NINL: variants seen among roughly 807,000 people sequenced by gnomAD.
The protein encoded by NINL is ninein-like protein.
Under a neutral mutation model 160.3 loss-of-function variants are expected in NINL, and 153 were observed. The ratio of observed to expected loss-of-function variants is 0.95; its 90% CI spans 0.84 to 1.09. The LOEUF is 1.09. Among genes scored for constraint, NINL ranks in the 50% least tolerant of loss-of-function variants. The probability of loss-of-function intolerance (pLI) is 0.00; values close to 1 mark genes in which losing one functional copy is unlikely to be tolerated. For synonymous variants in NINL, 800 were observed against 734.8 expected, an observed-to-expected ratio of 1.09 and a Z score of -1.43; for missense variants, 1,829 against 1,764.0, an observed-to-expected ratio of 1.04 and a Z score of -0.66.
chr20:25,543,042 A>AAG (rs1295023660), intron 1 of NINL, among the ~76,000 whole-genome samples: 4 of 147,602 alleles, frequency 2.7e-5, no homozygotes, highest in Admixed American at 6.7e-5. Context: ...TCCGTCTTCA[A>AAG]AAAAAAAAAA....
chr20:25,487,486 T>A (rs539628801), intron 13 of NINL, among the ~76,000 whole-genome samples: 4 of 152,204 alleles, frequency 2.6e-5, no homozygotes, highest in Non-Finnish European at 4.4e-5. Context: ...CAGCCGTTCC[T>A]GATGCTGACA....
rs138816596 is a variant in NINL at position 25,513,020 on chromosome 20, A to G, written c.278-14T>C. ...CACTGGAGGCAGCTGGAAAGGAAACAGGAAATTTGGTGGGGGTCCTTTATA... is the reference window on the plus strand; with the variant it reads ...CACTGGAGGCAGCTGGAAAGGAAACGGGAAATTTGGTGGGGGTCCTTTATA... On this transcript the variant is annotated splice_polypyrimidine_tract_variant and intron_variant, in intron 3 of 23. Coordinates refer to ENST00000278886, the MANE Select transcript of NINL (RefSeq NM_025176.6). 399 of 1,590,854 alleles carry G rather than the reference A, an allele frequency of 2.5e-4. No homozygotes were observed. The African/African-American group carries it at 5.0e-3, about 20-fold the overall frequency.
chr20:25,538,073 G>T (rs535041125), intron 1 of NINL, among the ~76,000 whole-genome samples: 1 of 152,180 alleles, frequency 6.6e-6, no homozygotes, highest in Admixed American at 6.5e-5. Flanking sequence ...ACACCAGGGC[G>T]TGAGATGCTG....
chr20:25,468,303 T>C (rs1250000363), intron 18 of NINL, among the ~76,000 whole-genome samples: 1 of 147,094 alleles, frequency 6.8e-6, no homozygotes, highest in East Asian at 2.1e-4. Context: ...TGACTCTCAC[T>C]GATGGGTGGC....
chr20:25,561,036 T>TCCCTCTCTTTCCACGGTCTC (rs2064928412), intron 1 of NINL, among the ~76,000 whole-genome samples: 1 of 16,660 alleles, frequency 6.0e-5, no homozygotes, highest in Non-Finnish European at 1.7e-4. Context: ...CCCTCTCCCC[T>TCCCTCTCTTTCCACGGTCTC]CCTCTCCCTC....
At chr20:25,473,584 G>A (rs2063158493) in intron 17 of NINL, among the ~76,000 whole-genome samples, 1 of 151,942 alleles carries the variant, frequency 6.6e-6, no homozygotes, top group South Asian at 2.1e-4. Flanking sequence ...AGCACTTTGT[G>A]AGGATGAGGC....
chr20:25,512,761 CA>C, intron 4 of NINL, 72 bp downstream of exon 4: 1 of 1,503,936 alleles, frequency 6.6e-7, no homozygotes, highest in Non-Finnish European at 8.9e-7. Context: ...TTATGTGCTA[CA>C]AAAAGGGATG....
At chr20:25,506,096 T>C (rs182277768) in intron 5 of NINL, among the ~76,000 whole-genome samples, 83 of 152,270 alleles carry the variant, frequency 5.5e-4, no homozygotes, top group Non-Finnish European at 9.7e-4. Context: ...ACCCCGTCTC[T>C]ACTAAAAATA....
chr20:25,465,153 G>A (rs2062881256), intron 19 of NINL, among the ~76,000 whole-genome samples: 1 of 152,190 alleles, frequency 6.6e-6, no homozygotes, highest in South Asian at 2.1e-4. Flanking sequence ...GCAGACAAGT[G>A]ACATACGACC....
intron 22 of NINL, among the ~76,000 whole-genome samples, chr20:25,456,855 C>T (rs1177609874): frequency 3.3e-5 from 5 of 150,366 alleles, no homozygotes; most frequent in Non-Finnish European, 5.9e-5. Flanking sequence ...TTGCTTGAAC[C>T]CAGGAGGTGG....
chr20:25,567,190 G>C (rs1365176601), intron 1 of NINL, among the ~76,000 whole-genome samples: 1 of 152,156 alleles, frequency 6.6e-6, no homozygotes, highest in Admixed American at 6.5e-5. Flanking sequence ...CAACGAGCTT[G>C]AAAATATTTC....
intron 19 of NINL, among the ~76,000 whole-genome samples, chr20:25,466,223 T>C (rs1407330961): frequency 6.6e-6 from 1 of 151,942 alleles, no homozygotes; most frequent in Non-Finnish European, 1.5e-5. Flanking sequence ...GGTTTTGTCA[T>C]GTTGCCCAGG....
chr20:25,527,446 C>T lies in NINL; in HGVS notation c.-11-848G>A, dbSNP rs546203472. 7.2e-5 allele frequency among the ~76,000 whole-genome samples: 11 copies of T among 152,168 alleles called. No individual in the cohort carries two copies. The South Asian group carries it at 1.0e-3, about 14-fold the overall frequency. The stretch of plus-strand genomic sequence containing the variant: ...GGGATTACAGGTGTGAACCACCGCA[C>T]GCAGCCCAGATTAATTTTTCTGTAC... On this transcript the variant is annotated intron_variant, in intron 1 of 23. Coordinates refer to ENST00000278886, the MANE Select transcript of NINL (RefSeq NM_025176.6).
At chr20:25,530,817 A>G (rs1354727642) in intron 1 of NINL, among the ~76,000 whole-genome samples, 4 of 152,334 alleles carry the variant, frequency 2.6e-5, no homozygotes, top group East Asian at 1.9e-4. Context: ...AAATGGAGGC[A>G]GGGCAAGATC....
Position 25,512,941 on chromosome 20 carries a change from G to T in NINL, c.343C>A (p.Pro115Thr). ...TCTGTGGCAGCGTCACATAGCTCAGGCCGGCTCCGACGGCCATACCACTTA... is the reference window on the plus strand; with the variant it reads ...TCTGTGGCAGCGTCACATAGCTCAGTCCGGCTCCGACGGCCATACCACTTA... ...GSKWYGRRSR[P>T]ELCDAATEAR... The change falls in exon 4 of 24, where the codon CCT (proline) becomes ACT (threonine). Residue 115 changes from proline to threonine, a missense_variant. Physicochemically the swap from Pro to Thr is conservative, Grantham distance 38. Coordinates refer to ENST00000278886, the MANE Select transcript of NINL (RefSeq NM_025176.6). The T allele has an allele frequency of 6.2e-7, 1 of 1,614,114 alleles. No homozygotes were observed. Among genetic ancestry groups the T allele is most frequent in the Non-Finnish European group, 8.5e-7 (1 of 1,179,974 alleles).
intron 13 of NINL, among the ~76,000 whole-genome samples, chr20:25,486,065 C>T (rs1218658691): frequency 1.3e-5 from 2 of 152,234 alleles, no homozygotes; most frequent in East Asian, 3.8e-4. Context: ...CACACCAACA[C>T]AGCCAGTGAG....
intron 1 of NINL, among the ~76,000 whole-genome samples, chr20:25,579,985 A>G (rs556002099): frequency 6.6e-6 from 1 of 152,248 alleles, no homozygotes; most frequent in South Asian, 2.1e-4. Context: ...AGAAACTCCA[A>G]CAAACCAAAA....
chr20:25,513,124 G>T, intron 3 of NINL, 118 bp from the exon 4 acceptor site: 1 of 961,154 alleles, frequency 1.0e-6, no homozygotes, highest in Non-Finnish European at 1.5e-6. Flanking sequence ...CCTCAAACAC[G>T]TACTGCTCTG....
chr20:25,494,847 T>C (rs1239187945), intron 10 of NINL, among the ~76,000 whole-genome samples: 1 of 152,200 alleles, frequency 6.6e-6, no homozygotes, highest in Non-Finnish European at 1.5e-5. Context: ...GCCCTCATGC[T>C]TCTCCCACCT....
Sources: allele counts gnomAD v4.1 joint callset (sites outside exome capture counted in the v4.1 genomes callset), GRCh38; gene constraint gnomAD v4.1.1; transcripts MANE v1.5; gene names NCBI Gene and HGNC (gene_info 2026-07-23, HGNC 2026-07-21).